Variants in LARP1B observed in about 807,000 individuals in gnomAD.
The protein encoded by LARP1B is La ribonucleoprotein 1B, also known as la-related protein 1B.
A neutral mutation model predicts 114.2 loss-of-function variants in LARP1B; 76 were observed. The ratio of observed to expected loss-of-function variants is 0.67; its 90% CI spans 0.55 to 0.81. LARP1B has a LOEUF of 0.81. LARP1B is among the 30% of genes least tolerant of loss of function. LARP1B has a pLI of 0.00. For missense variants in LARP1B, 1,014 were observed against 1,075.8 expected (o/e 0.94, Z 0.80); for synonymous variants, 345 against 348.0 (o/e 0.99, Z 0.10).
rs759169958 is a variant in LARP1B, at chr4:128,091,493, G to C, written c.649G>C (p.Glu217Gln). ...TCCTGTGGAAGAAGCATTGCTTAAA[G>C]AGTATATTAAGCGTCAAATGTAAGT... Reference protein sequence around the residue: ...VYPVEEALLKEYIKRQIEYYF... With the variant: ...VYPVEEALLKQYIKRQIEYYF... The change falls in exon 7 of 20, where the codon GAG (glutamate) becomes CAG (glutamine). Residue 217 changes from glutamate to glutamine, a missense_variant. Coordinates refer to ENST00000326639, the MANE Select transcript of LARP1B (RefSeq NM_018078.4). The C allele has an allele frequency of 2.2e-5, 36 of 1,607,260 alleles. No individual in the cohort carries two copies. The highest frequency in any genetic ancestry group is 8.5e-7 in the Non-Finnish European group (1 of 1,177,714).
At chr4:128,199,039 G>C (rs1166079698) in intron 15 of LARP1B, among the ~76,000 whole-genome samples, 4 of 152,114 alleles carry the variant, frequency 2.6e-5, no homozygotes, top group Non-Finnish European at 5.9e-5. Flanking sequence ...GCCCATCTTT[G>C]TGCCAGATTT....
In LARP1B at chr4:128,090,999, A is replaced by T; in HGVS notation, c.359-2A>T. 1.9e-6 allele frequency: 3 copies of T among 1,583,158 alleles called. No individual in the cohort carries two copies. The highest frequency in any genetic ancestry group is 2.6e-6 in the Non-Finnish European group (3 of 1,163,656). ...ATATAAAAATATTTTTATTTTTAAA[A>T]GGTTGGAAGCGAGATAGAGAAAAAA... On this transcript the variant is annotated splice_acceptor_variant, in intron 5 of 19. Coordinates refer to ENST00000326639, the MANE Select transcript of LARP1B (RefSeq NM_018078.4). LOFTEE classifies it high-confidence loss of function.
At chr4:128,080,088 G>A (rs753027996) in intron 4 of LARP1B, among the ~76,000 whole-genome samples, 10 of 151,314 alleles carry the variant, frequency 6.6e-5, no homozygotes, top group Non-Finnish European at 1.0e-4. Flanking sequence ...GGGTTGAAGC[G>A]ATTCTCCTGC....
chr4:128,170,349 T>G (rs1227339746), intron 12 of LARP1B, among the ~76,000 whole-genome samples: 2 of 152,234 alleles, frequency 1.3e-5, no homozygotes, highest in Admixed American at 6.5e-5. Flanking sequence ...GTCTGTTCAA[T>G]TCAGTTGGTT....
chr4:128,188,937 T>C (rs1751284057), intron 15 of LARP1B, among the ~76,000 whole-genome samples: 2 of 152,228 alleles, frequency 1.3e-5, no homozygotes, highest in Admixed American at 6.5e-5. Flanking sequence ...CTGGAGAATG[T>C]TCCATGTGCT....
At chr4:128,182,728 C>A (rs565672031) in intron 15 of LARP1B, among the ~76,000 whole-genome samples, 2 of 152,224 alleles carry the variant, frequency 1.3e-5, no homozygotes, top group East Asian at 3.9e-4. Context: ...ACGTTGAAAG[C>A]CCCAAGACAG....
intron 8 of LARP1B, among the ~76,000 whole-genome samples, chr4:128,102,843 TTAATA>T (rs1780760615): frequency 6.6e-6 from 1 of 152,162 alleles, no homozygotes; most frequent in Admixed American, 6.6e-5. Flanking sequence ...AGAGGAATAA[TTAATA>T]TAATATCAGC....
chr4:128,102,862 A>G (rs1485493440), intron 8 of LARP1B, among the ~76,000 whole-genome samples: 1 of 152,214 alleles, frequency 6.6e-6, no homozygotes, highest in Non-Finnish European at 1.5e-5. Context: ...TATCAGCCTC[A>G]GAACTGTGCC....
intron 1 of LARP1B, among the ~76,000 whole-genome samples, chr4:128,072,878 TA>T (rs1765923622): frequency 6.6e-6 from 1 of 152,122 alleles, no homozygotes; most frequent in African/African-American, 2.4e-5. Context: ...AAATTATATT[TA>T]AAACCTGGTG....
At chr4:128,106,991 T>G (rs1376873619) in intron 8 of LARP1B, 148 bp from the exon 9 acceptor site, 6 of 615,120 alleles carry the variant, frequency 9.8e-6, no homozygotes, top group Non-Finnish European at 1.7e-5. Flanking sequence ...TTAAAACTTG[T>G]GTTCTATGTG....
chr4:128,068,582 TA>T (rs1330082595), intron 1 of LARP1B, among the ~76,000 whole-genome samples: 1 of 152,110 alleles, frequency 6.6e-6, no homozygotes, highest in Non-Finnish European at 1.5e-5. Flanking sequence ...AAGCTATTTT[TA>T]TTTTTTTTTT....
intron 12 of LARP1B, among the ~76,000 whole-genome samples, chr4:128,171,847 T>C (rs1318016956): frequency 6.6e-6 from 1 of 152,214 alleles, no homozygotes; most frequent in Non-Finnish European, 1.5e-5. Context: ...CCATGGTTTT[T>C]GGTATAATAA....
intron 5 of LARP1B, among the ~76,000 whole-genome samples, chr4:128,088,645 G>A (rs1394596149): frequency 6.6e-6 from 1 of 152,124 alleles, no homozygotes; most frequent in African/African-American, 2.4e-5. Context: ...ACTACACTCT[G>A]TGAGTGGGTT....
intron 11 of LARP1B, among the ~76,000 whole-genome samples, chr4:128,160,507 T>C (rs538304151): frequency 2.6e-5 from 4 of 152,278 alleles, no homozygotes; most frequent in South Asian, 2.1e-4. Flanking sequence ...TATATACTTA[T>C]GATTTGTACA....
At chr4:128,107,493 G>A in intron 9 of LARP1B, 180 bp downstream of exon 9, 1 of 1,417,772 alleles carries the variant, frequency 7.1e-7, no homozygotes, top group Non-Finnish European at 9.3e-7. Flanking sequence ...AATTAAATAA[G>A]GATTTAAGAA....
At chr4:128,138,301 T>C (rs1297169098) in intron 11 of LARP1B, among the ~76,000 whole-genome samples, 1 of 152,202 alleles carries the variant, frequency 6.6e-6, no homozygotes, top group South Asian at 2.1e-4. Flanking sequence ...TTTTAAAATG[T>C]AATTTTAGAG....
At chr4:128,154,631 C>G (rs890091956) in intron 11 of LARP1B, among the ~76,000 whole-genome samples, 3 of 152,110 alleles carry the variant, frequency 2.0e-5, no homozygotes, top group Admixed American at 1.3e-4. Context: ...GCTAAATAAA[C>G]CCCAGTTCAG....
rs1768615761 is a variant in LARP1B, at chr4:128,077,865, T to C, written c.120T>C (p.Ser40=). 1.2e-6 allele frequency: 2 copies of C among 1,612,782 alleles called. No homozygotes were observed. Among genetic ancestry groups the C allele is most frequent in the South Asian group, 2.2e-5 (2 of 90,820 alleles). Residue 40 remains serine, a synonymous_variant, in exon 4 of 20, where the codon AGT becomes AGC. Coordinates refer to ENST00000326639, the MANE Select transcript of LARP1B (RefSeq NM_018078.4). The part of the protein sequence containing the change: ...KEKEEKVEKR[S]NSDSKENRET... ...AAGAAGAGAAGGTTGAAAAGAGAAG[T>C]AACAGTGACAGCAAAGAAAACCGGG...
intron 11 of LARP1B, chr4:128,122,438 G>GTTTTTTTTTTTTTTTTT (rs377102754): frequency 3.4e-6 from 4 of 1,189,616 alleles, no homozygotes; most frequent in African/African-American, 1.9e-5. Context: ...TTATACCCTT[G>GTTTTTTTTTTTTTTTTT]TTTTTTTTTT....
Sources: gnomAD v4.1 joint callset for allele counts (sites outside exome capture counted in the v4.1 genomes callset) on GRCh38, gnomAD v4.1.1 for gene constraint, MANE v1.5 for transcripts, NCBI Gene and HGNC (gene_info 2026-07-23, HGNC 2026-07-21) for gene names.